Variants in SUGCT observed in about 807,000 individuals in gnomAD.
SUGCT encodes succinyl-CoA:glutarate CoA-transferase.
In SUGCT, 41 loss-of-function variants were observed where a neutral mutation model predicts 55.0. That is an observed-to-expected ratio of 0.74 (90% CI 0.58 to 0.97). SUGCT has a LOEUF of 0.97. Among genes scored for constraint, SUGCT ranks in the 50% least tolerant of loss-of-function variants. The pLI is 0.00. For synonymous variants in SUGCT, 187 were observed against 200.4 expected (o/e 0.93, Z 0.56); for missense variants, 568 against 547.8 (o/e 1.04, Z -0.37).
chr7:40,861,692 G>A (rs1013855484), downstream of SUGCT, among the ~76,000 whole-genome samples: 4 of 152,188 alleles, frequency 2.6e-5, no homozygotes, highest in African/African-American at 9.6e-5. Context: ...GGCCTAAGAT[G>A]TTTCTAGAAT....
chr7:40,317,127 T>G, intron 9 of SUGCT, among the ~76,000 whole-genome samples: 1 of 98,900 alleles, frequency 1.0e-5, no homozygotes, highest in East Asian at 2.7e-4. Flanking sequence ...CGTATGATGG[T>G]TTTCTTTTTT....
intron 6 of SUGCT, among the ~76,000 whole-genome samples, chr7:40,208,791 C>T (rs181858295): frequency 3.3e-5 from 5 of 152,202 alleles, no homozygotes; most frequent in East Asian, 3.9e-4. Flanking sequence ...GCAATCCGCC[C>T]GCCTCAGACT....
At chr7:41,035,428 C>G in the SUGCT span, among the ~76,000 whole-genome samples, 1 of 152,124 alleles carries the variant, frequency 6.6e-6, no homozygotes, top group Non-Finnish European at 1.5e-5. Flanking sequence ...TGCATTTACA[C>G]ACATGGTGCA....
chr7:40,982,857 C>T, the SUGCT span, among the ~76,000 whole-genome samples: 12 of 152,174 alleles, frequency 7.9e-5, no homozygotes, highest in African/African-American at 2.9e-4. Flanking sequence ...CCATGTTGCC[C>T]AGGCTGGTCT....
chr7:40,858,257 G>A (rs932198377), intron 13 of SUGCT, among the ~76,000 whole-genome samples: 5 of 151,954 alleles, frequency 3.3e-5, no homozygotes, highest in African/African-American at 1.2e-4. Flanking sequence ...TACAAAATTA[G>A]CCGGGCATGG....
intron 6 of SUGCT, among the ~76,000 whole-genome samples, chr7:40,218,192 G>A (rs922974778): frequency 1.3e-5 from 2 of 152,202 alleles, no homozygotes; most frequent in African/African-American, 4.8e-5. Flanking sequence ...CAGCCTGGGT[G>A]ACAGAGCTAG....
At chr7:40,894,807 A>C in the SUGCT span, among the ~76,000 whole-genome samples, 3 of 152,320 alleles carry the variant, frequency 2.0e-5, no homozygotes, top group Non-Finnish European at 4.4e-5. Context: ...AAAGTCAGAA[A>C]ATAACAGATG....
intron 8 of SUGCT, among the ~76,000 whole-genome samples, chr7:40,303,283 C>G (rs562506209): frequency 6.6e-6 from 1 of 152,158 alleles, no homozygotes; most frequent in African/African-American, 2.4e-5. Flanking sequence ...ATCCGCCTGC[C>G]TCGGCCTCCC....
intron 12 of SUGCT, among the ~76,000 whole-genome samples, chr7:40,521,823 G>A (rs908250795): frequency 2.0e-5 from 3 of 151,976 alleles, no homozygotes; most frequent in Admixed American, 6.6e-5. Flanking sequence ...CTTCATTTGC[G>A]CTAATAATAG....
At chr7:40,946,670 CTTTA>C in the SUGCT span, among the ~76,000 whole-genome samples, 12 of 152,058 alleles carry the variant, frequency 7.9e-5, no homozygotes, top group African/African-American at 1.2e-4. Flanking sequence ...CTAGGAATGT[CTTTA>C]TTTATTTTCA....
At chr7:40,279,028 G>GC in intron 8 of SUGCT, among the ~76,000 whole-genome samples, 1 of 149,982 alleles carries the variant, frequency 6.7e-6, no homozygotes, top group Non-Finnish European at 1.5e-5. Context: ...GAGATGGGGG[G>GC]GTCTGACTGT....
intron 9 of SUGCT, among the ~76,000 whole-genome samples, chr7:40,412,474 A>G (rs114782368): frequency 0.016 from 2,418 of 152,296 alleles, 61 homozygotes; most frequent in African/African-American, 0.055. Flanking sequence ...CATCTTTTCA[A>G]GATAAGATAA....
At chr7:40,595,525 T>C (rs1797965187) in intron 12 of SUGCT, among the ~76,000 whole-genome samples, 1 of 152,176 alleles carries the variant, frequency 6.6e-6, no homozygotes, top group Non-Finnish European at 1.5e-5. Flanking sequence ...CCTCACATTG[T>C]TTCTGGGACA....
the SUGCT span, among the ~76,000 whole-genome samples, chr7:40,951,006 A>G: frequency 1.3e-5 from 2 of 151,944 alleles, no homozygotes; most frequent in Admixed American, 6.6e-5. Flanking sequence ...CTCTTTTCCT[A>G]CTGATTGGAA....
At chr7:40,752,814 A>G (rs1172478588) in intron 13 of SUGCT, among the ~76,000 whole-genome samples, 1 of 152,210 alleles carries the variant, frequency 6.6e-6, no homozygotes, top group Non-Finnish European at 1.5e-5. Flanking sequence ...TCAGATCCAC[A>G]GCAATTTCTT....
intron 12 of SUGCT, among the ~76,000 whole-genome samples, chr7:40,691,984 T>C (rs1462985557): frequency 6.6e-6 from 1 of 152,186 alleles, no homozygotes; most frequent in African/African-American, 2.4e-5. Flanking sequence ...CAGAGGTTCA[T>C]GGAGGTCTTG....
chr7:40,195,469 C>A (rs1001940077), intron 6 of SUGCT, among the ~76,000 whole-genome samples: 2 of 151,966 alleles, frequency 1.3e-5, no homozygotes, highest in Non-Finnish European at 2.9e-5. Context: ...GATCTGCTCT[C>A]TTCAGTCTCC....
chr7:40,492,220 G>A (rs1174612153), intron 11 of SUGCT, among the ~76,000 whole-genome samples: 1 of 152,040 alleles, frequency 6.6e-6, no homozygotes, highest in Non-Finnish European at 1.5e-5. Flanking sequence ...GAGTGATGGT[G>A]GATTGAAAAC....
the SUGCT span, among the ~76,000 whole-genome samples, chr7:40,894,719 T>C: frequency 2.0e-5 from 3 of 152,300 alleles, no homozygotes; most frequent in East Asian, 5.8e-4. Context: ...ATACTCAGCA[T>C]CACTATTCAT....
Sources: allele counts gnomAD v4.1 joint callset (sites outside exome capture counted in the v4.1 genomes callset), GRCh38; gene constraint gnomAD v4.1.1; transcripts MANE v1.5; gene names NCBI Gene and HGNC (gene_info 2026-07-23, HGNC 2026-07-21).